Variants in PLCG2 observed in about 807,000 individuals in gnomAD.
PLCG2 encodes 1-phosphatidylinositol 4,5-bisphosphate phosphodiesterase gamma-2.
A neutral mutation model predicts 175.6 loss-of-function variants in PLCG2; 69 were observed. That is an observed-to-expected ratio of 0.39 (90% CI 0.32 to 0.48). The LOEUF (loss-of-function observed/expected upper bound fraction) is 0.48, where lower values mean the gene tolerates loss of function less well. Among genes scored for constraint, PLCG2 ranks in the 20% least tolerant of loss-of-function variants. The pLI is 0.91. For synonymous variants in PLCG2, 827 were observed against 624.0 expected (o/e 1.33, Z -4.85); for missense variants, 1,798 against 1,650.9 (o/e 1.09, Z -1.54).
chr16:81,872,900 T>C lies in PLCG2; in HGVS notation c.648+1965T>C, dbSNP rs375485035. Among the ~76,000 whole-genome samples the C allele has an allele frequency of 4.3e-4, 65 of 152,372 alleles. 1 individual carries two copies. The highest frequency in any genetic ancestry group is 4.2e-3 in the East Asian group (22 of 5,194). On this transcript the variant is annotated intron_variant, in intron 7 of 32. Transcript: ENST00000564138. ...TAGAAGACAGTCATTAATTGCTTTC[T>C]GCATGCAGAGCTGTGGGCTGGCCAC...
At chr16:81,762,720 A>G (rs1056426011) in intron 2 of PLCG2, among the ~76,000 whole-genome samples, 1 of 152,228 alleles carries the variant, frequency 6.6e-6, no homozygotes, top group African/African-American at 2.4e-5. Context: ...GCAAAAGAAT[A>G]CACCACTGCA....
At chr16:81,805,800 CT>C (rs1430870146) in intron 2 of PLCG2, among the ~76,000 whole-genome samples, 66 of 45,976 alleles carry the variant, frequency 1.4e-3, no homozygotes, top group African/African-American at 5.3e-3. Flanking sequence ...TTTTTTTTTG[CT>C]GTTATTGTTG....
intron 5 of PLCG2, among the ~76,000 whole-genome samples, chr16:81,866,430 TG>T (rs1431305242): frequency 0.023 from 1,327 of 58,864 alleles, 22 homozygotes; most frequent in South Asian, 0.04. Context: ...TGAGCTCCAC[TG>T]GGGCACCAGC....
intron 20 of PLCG2, among the ~76,000 whole-genome samples, chr16:81,920,127 G>A (rs769427916): frequency 5.3e-5 from 8 of 152,210 alleles, no homozygotes; most frequent in South Asian, 2.1e-4. Flanking sequence ...CAGCCCAGGT[G>A]GGGGTAGAGC....
chr16:81,946,884 AAG>A (rs1911171666), intron 31 of PLCG2, among the ~76,000 whole-genome samples: 1 of 150,962 alleles, frequency 6.6e-6, no homozygotes, highest in Non-Finnish European at 1.5e-5. Context: ...AGTGAGCATG[AAG>A]ACCCTTTGCT....
chr16:81,940,730 A>C (rs1273853028), intron 30 of PLCG2, among the ~76,000 whole-genome samples: 1 of 151,634 alleles, frequency 6.6e-6, no homozygotes, highest in Non-Finnish European at 1.5e-5. Context: ...AGACACTTCC[A>C]GGTGAGGGGA....
intron 12 of PLCG2, 183 bp from the exon 13 acceptor site, chr16:81,895,624 C>T (rs1011834290): frequency 1.5e-5 from 9 of 589,012 alleles, no homozygotes; most frequent in Non-Finnish European, 2.4e-5. Flanking sequence ...GCTGCACTTG[C>T]ATTATGTAAG....
At chr16:81,811,369 C>T (rs9938104) in intron 2 of PLCG2, among the ~76,000 whole-genome samples, 16,397 of 152,130 alleles carry the variant, frequency 0.11, 1,003 homozygotes, top group African/African-American at 0.12. Flanking sequence ...TTTTGCACGT[C>T]GGGGTTCAGG....
At chr16:81,893,953 TTTTC>T (rs1908760447) in intron 12 of PLCG2, among the ~76,000 whole-genome samples, 159 bp downstream of exon 12, 1 of 151,356 alleles carries the variant, frequency 6.6e-6, no homozygotes, top group Non-Finnish European at 1.5e-5. Context: ...TTGTTTTCTT[TTTTC>T]TTTCTTTTTT....
chr16:81,831,841 C>T (rs906873881), intron 2 of PLCG2, among the ~76,000 whole-genome samples: 1 of 152,212 alleles, frequency 6.6e-6, no homozygotes, highest in African/African-American at 2.4e-5. Context: ...GCCACGCTAG[C>T]CATCCCCCAA....
intron 2 of PLCG2, among the ~76,000 whole-genome samples, chr16:81,816,696 C>G (rs917878041): frequency 2.8e-5 from 3 of 106,954 alleles, no homozygotes; most frequent in African/African-American, 3.7e-5. Context: ...GAGGTGGGAT[C>G]TCACTATGTT....
At chr16:81,787,156 T>A (rs190775158) in intron 2 of PLCG2, among the ~76,000 whole-genome samples, 25 of 152,328 alleles carry the variant, frequency 1.6e-4, no homozygotes, top group African/African-American at 5.3e-4. Flanking sequence ...GAGAAGGGCA[T>A]TTCATGCTAT....
chr16:81,838,494 C>T (rs763479090), intron 2 of PLCG2, among the ~76,000 whole-genome samples: 3 of 151,944 alleles, frequency 2.0e-5, no homozygotes, highest in Non-Finnish European at 4.4e-5. Flanking sequence ...TCATTCTCAG[C>T]AAACTAACAC....
At chr16:81,743,218 G>C (rs905568431) in intron 1 of PLCG2, among the ~76,000 whole-genome samples, 5 of 152,220 alleles carry the variant, frequency 3.3e-5, no homozygotes, top group African/African-American at 1.2e-4. Context: ...GGGCATGGTG[G>C]TGCACACCTG....
chr16:81,863,944 C>T (rs1029235556), intron 5 of PLCG2, among the ~76,000 whole-genome samples: 1 of 152,122 alleles, frequency 6.6e-6, no homozygotes, highest in Non-Finnish European at 1.5e-5. Flanking sequence ...TTTGAGACTC[C>T]AGAATGTTAG....
intron 2 of PLCG2, among the ~76,000 whole-genome samples, chr16:81,801,095 G>A (rs1004353680): frequency 3.9e-5 from 6 of 152,150 alleles, no homozygotes; most frequent in Admixed American, 3.3e-4. Flanking sequence ...ACTTTTGCTC[G>A]TCTCCAGAGC....
At chr16:81,853,597 A>T (rs1180347479) in intron 2 of PLCG2, among the ~76,000 whole-genome samples, 2 of 152,148 alleles carry the variant, frequency 1.3e-5, no homozygotes, top group Non-Finnish European at 2.9e-5. Flanking sequence ...TTGCGCCCCT[A>T]TGAGAATCTG....
At chr16:81,912,110 T>C (rs1909653318) in intron 18 of PLCG2, among the ~76,000 whole-genome samples, 1 of 151,952 alleles carries the variant, frequency 6.6e-6, no homozygotes, top group Non-Finnish European at 1.5e-5. Context: ...TTTTTGTATT[T>C]TTAGTAGAGA....
At chr16:81,955,947 T>C (rs1001369845) in intron 31 of PLCG2, among the ~76,000 whole-genome samples, 28 of 152,354 alleles carry the variant, frequency 1.8e-4, no homozygotes, top group African/African-American at 6.5e-4. Flanking sequence ...TCATTTAAAG[T>C]GTACAATTCA....
Sources: allele counts gnomAD v4.1 joint callset (sites outside exome capture counted in the v4.1 genomes callset), GRCh38; gene constraint gnomAD v4.1.1; transcripts MANE v1.5; gene names NCBI Gene and HGNC (gene_info 2026-07-23, HGNC 2026-07-21).